Variants in SLC10A7 observed in about 807,000 individuals in gnomAD.
The protein encoded by SLC10A7 is sodium/bile acid cotransporter 7.
A neutral mutation model predicts 43.2 loss-of-function variants in SLC10A7; 29 were observed. The observed-to-expected ratio is 0.67, with a 90% CI of 0.50 to 0.92. The LOEUF is 0.92. Ranked by LOEUF, SLC10A7 falls within the 40% of genes least tolerant of loss-of-function variation. The pLI is 0.00. For missense variants in SLC10A7, 295 were observed against 403.2 expected, an observed-to-expected ratio of 0.73 and a Z score of 2.30; for synonymous variants, 152 against 144.8, an observed-to-expected ratio of 1.05 and a Z score of -0.35.
chr4:146,328,473 G>A (rs758389710), intron 5 of SLC10A7, among the ~76,000 whole-genome samples: 6 of 152,080 alleles, frequency 3.9e-5, no homozygotes, highest in African/African-American at 7.2e-5. Context: ...TTGCATCATC[G>A]GTGGACCTTA....
At chr4:146,280,246 AT>A (rs1323364796) in intron 10 of SLC10A7, among the ~76,000 whole-genome samples, 4 of 152,208 alleles carry the variant, frequency 2.6e-5, no homozygotes, top group Admixed American at 2.0e-4. Context: ...GGAAAGATGC[AT>A]TTTTAAAGTG....
At chr4:146,278,521 G>T (rs1217978651) in intron 10 of SLC10A7, among the ~76,000 whole-genome samples, 1 of 152,136 alleles carries the variant, frequency 6.6e-6, no homozygotes, top group African/African-American at 2.4e-5. Context: ...TTAAGATTAT[G>T]TTTCTCCTAA....
In SLC10A7 at chr4:146,274,628, G is replaced by A. The variant is rs371981865; in HGVS notation, c.847+8564C>T. On this transcript the variant is annotated intron_variant, in intron 10 of 11. Coordinates refer to ENST00000335472, the MANE Select transcript of SLC10A7 (RefSeq NM_001029998.6). The stretch of plus-strand genomic sequence containing the variant: ...AGTTAGGCAAAATGTGGTAACCACA[G>A]CTACAAATTAGAAAAACTGGAGCCA... 1.4e-3 allele frequency among the ~76,000 whole-genome samples: 216 copies of A among 152,262 alleles called. 1 individual carries two copies. The highest frequency in any genetic ancestry group is 0.014 in the Middle Eastern group (4 of 294).
chr4:146,488,362 A>T (rs1240449550), intron 4 of SLC10A7, among the ~76,000 whole-genome samples: 1 of 152,216 alleles, frequency 6.6e-6, no homozygotes, highest in Non-Finnish European at 1.5e-5. Flanking sequence ...AATAAGGGAA[A>T]GAAATTATAC....
At chr4:146,440,541 A>G (rs976822386) in intron 5 of SLC10A7, among the ~76,000 whole-genome samples, 1 of 152,166 alleles carries the variant, frequency 6.6e-6, no homozygotes, top group Non-Finnish European at 1.5e-5. Context: ...TCCAAATGTT[A>G]TATAATAGAG....
chr4:146,435,471 C>T (rs1160089060), intron 5 of SLC10A7, among the ~76,000 whole-genome samples: 1 of 152,134 alleles, frequency 6.6e-6, no homozygotes. Flanking sequence ...ACATTATTTA[C>T]TCCAACAGTC....
At chr4:146,295,714 A>G (rs570522248) in intron 7 of SLC10A7, among the ~76,000 whole-genome samples, 4 of 152,138 alleles carry the variant, frequency 2.6e-5, no homozygotes, top group African/African-American at 9.7e-5. Context: ...TTCATAATCT[A>G]TTGTGTTTGG....
intron 5 of SLC10A7, among the ~76,000 whole-genome samples, chr4:146,409,606 T>C (rs1196096532): frequency 2.6e-5 from 4 of 152,226 alleles, no homozygotes; most frequent in African/African-American, 9.6e-5. Context: ...AAGGATGAAT[T>C]TTACTCTATG....
chr4:146,267,667 A>G (rs923256663), intron 10 of SLC10A7, among the ~76,000 whole-genome samples: 6 of 152,198 alleles, frequency 3.9e-5, no homozygotes, highest in African/African-American at 1.4e-4. Context: ...CAAGCATCAG[A>G]ACCTCTACTG....
intron 5 of SLC10A7, chr4:146,442,273 C>A (rs1387040755): frequency 7.5e-5 from 73 of 976,582 alleles, no homozygotes; most frequent in Non-Finnish European, 8.8e-5. Flanking sequence ...CATTTACTTG[C>A]AAATTACTCA....
chr4:146,355,694 G>A (rs1308634146), intron 5 of SLC10A7, among the ~76,000 whole-genome samples: 2 of 151,792 alleles, frequency 1.3e-5, no homozygotes, highest in Non-Finnish European at 2.9e-5. Flanking sequence ...ATACACCATG[G>A]AATACCATGC....
At chr4:146,449,876 T>G (rs1358181351) in intron 4 of SLC10A7, among the ~76,000 whole-genome samples, 2 of 152,170 alleles carry the variant, frequency 1.3e-5, no homozygotes, top group Non-Finnish European at 2.9e-5. Flanking sequence ...CTGGGTTATT[T>G]AATAGCTAGA....
intron 6 of SLC10A7, among the ~76,000 whole-genome samples, chr4:146,316,145 A>G (rs925457423): frequency 1.4e-4 from 22 of 152,092 alleles, no homozygotes; most frequent in African/African-American, 5.3e-4. Flanking sequence ...CAAGGCGTTA[A>G]TTTATCCTCA....
chr4:146,375,894 A>C (rs1338754119), intron 5 of SLC10A7, among the ~76,000 whole-genome samples: 1 of 152,120 alleles, frequency 6.6e-6, no homozygotes, highest in African/African-American at 2.4e-5. Flanking sequence ...CCCCCACTTC[A>C]CATGCTAATC....
intron 5 of SLC10A7, among the ~76,000 whole-genome samples, chr4:146,385,989 G>T (rs990772204): frequency 6.6e-6 from 1 of 152,098 alleles, no homozygotes; most frequent in African/African-American, 2.4e-5. Flanking sequence ...CTGTTGATGG[G>T]GTACCTAAGT....
chr4:146,371,972 C>T (rs1019729912), intron 5 of SLC10A7, among the ~76,000 whole-genome samples: 3 of 151,982 alleles, frequency 2.0e-5, no homozygotes, highest in African/African-American at 7.3e-5. Flanking sequence ...CTTAGTATCC[C>T]GGAAGCAATG....
At chr4:146,281,401 A>AC (rs2111108561) in intron 10 of SLC10A7, among the ~76,000 whole-genome samples, 1 of 152,122 alleles carries the variant, frequency 6.6e-6, no homozygotes, top group African/African-American at 2.4e-5. Flanking sequence ...AAAATCAAAA[A>AC]AAAAAAAGAA....
chr4:146,449,406 C>A (rs768095194), intron 4 of SLC10A7, among the ~76,000 whole-genome samples: 7 of 152,092 alleles, frequency 4.6e-5, no homozygotes, highest in Non-Finnish European at 8.8e-5. Flanking sequence ...AGAGACCACA[C>A]CCAAGAAGAG....
chr4:146,283,379 A>C, intron 9 of SLC10A7, 114 bp from the exon 10 acceptor site: 1 of 780,426 alleles, frequency 1.3e-6, no homozygotes. Context: ...AATCCTGGTG[A>C]CAGTAGTAAT....
Sources: allele counts gnomAD v4.1 joint callset (sites outside exome capture counted in the v4.1 genomes callset), GRCh38; gene constraint gnomAD v4.1.1; transcripts MANE v1.5; gene names NCBI Gene and HGNC (gene_info 2026-07-23, HGNC 2026-07-21).